FRMPD4: variants seen among roughly 807,000 people sequenced by gnomAD.
FRMPD4 encodes the protein FERM and PDZ domain-containing protein 4.
FRMPD4 carries 22 observed loss-of-function variants against 94.1 expected under a neutral mutation model. That is an observed-to-expected ratio of 0.23 (90% CI 0.17 to 0.33). The LOEUF (loss-of-function observed/expected upper bound fraction) is 0.33, where lower values mean the gene tolerates loss of function less well. Among genes scored for constraint, FRMPD4 ranks in the 10% least tolerant of loss-of-function variants. The pLI, the probability that FRMPD4 is intolerant of heterozygous loss-of-function variation, is 1.00. For missense variants in FRMPD4, 1,111 were observed against 1,339.9 expected, an observed-to-expected ratio of 0.83 and a Z score of 2.67; for synonymous variants, 631 against 548.6, an observed-to-expected ratio of 1.15 and a Z score of -2.10.
intron 7 of FRMPD4, among the ~76,000 whole-genome samples, chrX:12,687,782 G>A (rs1433743437): frequency 1.8e-5 from 2 of 112,100 alleles, no homozygotes; most frequent in Non-Finnish European, 3.8e-5. Flanking sequence ...ATGACAATAT[G>A]CATCAAGTAC....
At chrX:11,987,092 A>G (rs1423852353) in intron 3 of FRMPD4, among the ~76,000 whole-genome samples, 3 of 89,220 alleles carry the variant, frequency 3.4e-5, no homozygotes, top group Admixed American at 1.2e-4. Context: ...CCAGGCAAAG[A>G]CACATTAAAA....
intron 4 of FRMPD4, among the ~76,000 whole-genome samples, chrX:12,619,792 C>T (rs1238810247): frequency 1.8e-5 from 2 of 112,243 alleles, no homozygotes; most frequent in Non-Finnish European, 3.8e-5. Flanking sequence ...GCAGTCCCAC[C>T]TGTCCTGGGA....
In FRMPD4 at chrX:12,403,804, C is replaced by T. The variant is rs987539480; in HGVS notation, c.42-94876C>T. On this transcript the variant is annotated intron_variant, in intron 1 of 16. Coordinates refer to ENST00000675598, the MANE Select transcript of FRMPD4 (RefSeq NM_001368397.1). ...TTCTGCCTTAACCTTCTGAGAGCTT[C>T]AAGCTCCTCCTGTTTCTGTCTTGAT... Among the ~76,000 whole-genome samples the T allele has an allele frequency of 2.7e-5, 3 of 111,254 alleles. No homozygotes were observed. The East Asian group carries it at 8.5e-4, about 31-fold the overall frequency.
At chrX:12,642,487 A>G (rs1050960643) in intron 4 of FRMPD4, among the ~76,000 whole-genome samples, 1 of 112,542 alleles carries the variant, frequency 8.9e-6, no homozygotes, top group African/African-American at 3.2e-5. Flanking sequence ...AGAGGTGTGA[A>G]AAGACTAGAG....
At chrX:12,621,121 G>A (rs897906902) in intron 4 of FRMPD4, among the ~76,000 whole-genome samples, 1 of 111,369 alleles carries the variant, frequency 9.0e-6, no homozygotes, top group African/African-American at 3.3e-5. Flanking sequence ...TCCCAGCTAC[G>A]CCGGAGGCTG....
intron 2 of FRMPD4, among the ~76,000 whole-genome samples, chrX:11,869,976 C>A (rs1035832955): frequency 1.8e-5 from 2 of 111,452 alleles, no homozygotes; most frequent in Non-Finnish European, 3.8e-5. Context: ...ATATCATGGG[C>A]CACTGAATAT....
At chrX:12,158,731 C>A (rs1448478031) in intron 1 of FRMPD4, among the ~76,000 whole-genome samples, 1 of 112,146 alleles carries the variant, frequency 8.9e-6, no homozygotes, top group Non-Finnish European at 1.9e-5. Flanking sequence ...TGAAGATCCC[C>A]AATCTATTCA....
intron 1 of FRMPD4, among the ~76,000 whole-genome samples, chrX:12,220,328 CT>C (rs752764795): frequency 1.6e-4 from 18 of 112,101 alleles, no homozygotes; most frequent in African/African-American, 5.5e-4. Context: ...TAAAGTCATG[CT>C]TGATAAACTT....
intron 4 of FRMPD4, among the ~76,000 whole-genome samples, chrX:12,620,715 A>G (rs1050212822): frequency 1.8e-5 from 2 of 112,440 alleles, no homozygotes; most frequent in Non-Finnish European, 3.8e-5. Context: ...GTAATTGCAG[A>G]GGCAATCTCA....
intron 1 of FRMPD4, among the ~76,000 whole-genome samples, chrX:12,332,882 G>A: frequency 8.9e-6 from 1 of 111,949 alleles, no homozygotes; most frequent in Middle Eastern, 4.6e-3. Flanking sequence ...CTTGTAGTCT[G>A]AAAGCAACAT....
At chrX:12,674,818 G>A (rs376491171) in intron 4 of FRMPD4, 45 bp from the exon 5 acceptor site, 18 of 816,928 alleles carry the variant, frequency 2.2e-5, no homozygotes, top group South Asian at 8.2e-5. Context: ...GTTAGAGTCC[G>A]GGCTCAGTGC....
chrX:12,156,422 G>A (rs1395955951), intron 1 of FRMPD4, among the ~76,000 whole-genome samples: 3 of 111,663 alleles, frequency 2.7e-5, no homozygotes, highest in African/African-American at 6.5e-5. Flanking sequence ...GCTCTGGAGA[G>A]CAGAGAGGAT....
At chrX:12,262,961 C>G (rs754150534) in intron 1 of FRMPD4, among the ~76,000 whole-genome samples, 1 of 111,542 alleles carries the variant, frequency 9.0e-6, no homozygotes, top group Non-Finnish European at 1.9e-5. Context: ...GAAGGGGCCT[C>G]GTGAGGTTAA....
intron 2 of FRMPD4, among the ~76,000 whole-genome samples, chrX:11,865,960 G>T (rs2053716473): frequency 8.9e-6 from 1 of 111,824 alleles, no homozygotes; most frequent in Non-Finnish European, 1.9e-5. Context: ...CAAATTTCAA[G>T]AAATTGAGTT....
intron 1 of FRMPD4, among the ~76,000 whole-genome samples, chrX:12,241,444 G>A (rs779025734): frequency 1.8e-5 from 2 of 112,148 alleles, no homozygotes; most frequent in South Asian, 3.7e-4. Context: ...CCCAATATTC[G>A]AGATTTCGTG....
rs181863034 is a variant in FRMPD4 at position 12,538,260 on chromosome X, A to T, written c.158+39464A>T. Among the ~76,000 whole-genome samples, 360 of 111,332 alleles carry T rather than the reference A, an allele frequency of 3.2e-3. 2 individuals are homozygous for T. Among genetic ancestry groups the T allele is most frequent in the African/African-American group, 0.011 (350 of 30,692 alleles). On this transcript the variant is annotated intron_variant, in intron 2 of 16. Transcript: ENST00000675598. Reference sequence around the variant, plus strand: ...CACAGCAGTCTGAGATTGAACTGAAAGGCAGCAGCAGGCTGGGGGAGGGGC... The same window carrying T: ...CACAGCAGTCTGAGATTGAACTGAATGGCAGCAGCAGGCTGGGGGAGGGGC...
chrX:11,967,694 G>C (rs1350597466), intron 3 of FRMPD4, among the ~76,000 whole-genome samples: 1 of 107,421 alleles, frequency 9.3e-6, no homozygotes, highest in Non-Finnish European at 1.9e-5. Context: ...GACTTAACAG[G>C]AACCGGGAAT....
chrX:12,265,416 G>A (rs1019086463), intron 1 of FRMPD4, among the ~76,000 whole-genome samples: 1 of 111,857 alleles, frequency 8.9e-6, no homozygotes, highest in Non-Finnish European at 1.9e-5. Context: ...TGATTCCTTA[G>A]AGGGATTTTT....
At chrX:11,944,328 G>A (rs1348954402) in intron 3 of FRMPD4, among the ~76,000 whole-genome samples, 2 of 112,073 alleles carry the variant, frequency 1.8e-5, no homozygotes, top group Non-Finnish European at 3.8e-5. Context: ...AAGTATGAAA[G>A]TCTGGTATTT....
Sources: gnomAD v4.1 joint callset for allele counts (sites outside exome capture counted in the v4.1 genomes callset) on GRCh38, gnomAD v4.1.1 for gene constraint, MANE v1.5 for transcripts, NCBI Gene and HGNC (gene_info 2026-07-23, HGNC 2026-07-21) for gene names.